The following PPP2R5E variants were observed in gnomAD, a reference collection of about 807,000 sequenced individuals.
PPP2R5E encodes the protein protein phosphatase 2 regulatory subunit B'epsilon.
In PPP2R5E, 4 loss-of-function variants were observed where a neutral mutation model predicts 65.3. The observed-to-expected ratio is 0.06, with a 90% CI of 0.03 to 0.14. The LOEUF (loss-of-function observed/expected upper bound fraction) is 0.14, where lower values mean the gene tolerates loss of function less well. Ranked by LOEUF, PPP2R5E falls within the 10% of genes least tolerant of loss-of-function variation. The pLI, the probability that PPP2R5E is intolerant of heterozygous loss-of-function variation, is 1.00. For missense variants in PPP2R5E, 274 were observed against 556.1 expected, an observed-to-expected ratio of 0.49 and a Z score of 5.10; for synonymous variants, 183 against 187.4, an observed-to-expected ratio of 0.98 and a Z score of 0.19.
rs1883936296 is a variant in PPP2R5E, at chr14:63,375,460, A to C, written c.*549T>G. ...CTTTTATCAGGGACTTTTATAATTC[A>C]TGACCCCATTCCACGTGGACATTCA... On this transcript the variant is annotated 3_prime_UTR_variant, in exon 14 of 14. Transcript: ENST00000337537. The C allele has an allele frequency of 6.6e-6, 1 of 152,662 alleles. No individual in the cohort carries two copies. The highest frequency in any genetic ancestry group is 6.5e-5 in the Admixed American group (1 of 15,286). The allele number at this position is 152,662 out of a possible 1,614,324, so 9.5% of individuals were successfully genotyped here. A position where few individuals can be genotyped will look rare whatever the true frequency, so the allele number is the denominator to read the frequency against.
intron 2 of PPP2R5E, among the ~76,000 whole-genome samples, chr14:63,469,576 C>T (rs1356359433): frequency 6.6e-6 from 1 of 152,192 alleles, no homozygotes; most frequent in Non-Finnish European, 1.5e-5. Flanking sequence ...CGCCTGTAGT[C>T]CCAGCTACTC....
chr14:63,531,001 A>G (rs542051888), intron 2 of PPP2R5E, among the ~76,000 whole-genome samples: 1 of 152,346 alleles, frequency 6.6e-6, no homozygotes, highest in Non-Finnish European at 1.5e-5. Context: ...TAAAAAATGT[A>G]TATTCCTTCC....
intron 3 of PPP2R5E, among the ~76,000 whole-genome samples, chr14:63,425,908 G>C (rs1175652940): frequency 1.3e-5 from 2 of 152,192 alleles, no homozygotes; most frequent in Non-Finnish European, 2.9e-5. Flanking sequence ...AGAAGGCCAA[G>C]TTGGGTAAAT....
chr14:63,460,313 G>C (rs988367781), intron 2 of PPP2R5E, among the ~76,000 whole-genome samples: 4 of 152,130 alleles, frequency 2.6e-5, no homozygotes, highest in Non-Finnish European at 4.4e-5. Context: ...TGACACACTG[G>C]AAGGGCTGCA....
At position 63,374,173 on chromosome 14, in the gene PPP2R5E, T is replaced by A. The variant is rs1246360779; in HGVS notation, c.*1836A>T. The A allele has an allele frequency of 6.6e-6, 1 of 151,880 alleles. No individual in the cohort carries two copies. Among genetic ancestry groups the A allele is most frequent in the Non-Finnish European group, 1.5e-5 (1 of 67,966 alleles). The allele number at this position is 151,880 out of a possible 1,614,324, so 9.4% of individuals were successfully genotyped here. ...ATGACAATATCCATAATTAGCTGAC[T>A]CTTACGTACACACTGTGACCTGATC... On this transcript the variant is annotated 3_prime_UTR_variant, in exon 14 of 14. Transcript: ENST00000337537.
chr14:63,528,353 T>C (rs113720140), intron 2 of PPP2R5E, among the ~76,000 whole-genome samples: 265 of 152,342 alleles, frequency 1.7e-3, no homozygotes, highest in African/African-American at 5.9e-3. Context: ...TCTGGTGATC[T>C]GATTAGGCTA....
chr14:63,480,814 A>G (rs901667839), intron 2 of PPP2R5E, among the ~76,000 whole-genome samples: 17 of 152,136 alleles, frequency 1.1e-4, no homozygotes, highest in African/African-American at 4.1e-4. Context: ...ATGACACTGC[A>G]AATTCTTCTT....
At chr14:63,404,263 T>A (rs138137415) in intron 5 of PPP2R5E, among the ~76,000 whole-genome samples, 185 of 152,342 alleles carry the variant, frequency 1.2e-3, no homozygotes, top group African/African-American at 4.2e-3. Context: ...AGAATTACCC[T>A]GCCCTATTCC....
At chr14:63,427,835 T>C (rs914205215) in intron 3 of PPP2R5E, among the ~76,000 whole-genome samples, 1 of 152,256 alleles carries the variant, frequency 6.6e-6, no homozygotes, top group African/African-American at 2.4e-5. Context: ...TAGGAAACTG[T>C]GGTGCAAAGA....
chr14:63,374,668 T>TATATATATATATATATATATAA lies in PPP2R5E; in HGVS notation c.*1340_*1341insTTATATATATATATATATATAT. 8.4e-6 allele frequency: 1 copy of TATATATATATATATATATATAA among 119,290 alleles called. No homozygotes were observed. Among genetic ancestry groups the TATATATATATATATATATATAA allele is most frequent in the African/African-American group, 3.2e-5 (1 of 31,470 alleles). 7.4% of individuals were successfully genotyped at this position (119,290 alleles called of 1,614,324 possible). ...ATATATATATATATATATATATATA[T>TATATATATATATATATATATAA]AAAATACAGCCCTAGATTTTGTTTT... On this transcript the variant is annotated 3_prime_UTR_variant, in exon 14 of 14. Coordinates refer to ENST00000337537, the MANE Select transcript of PPP2R5E (RefSeq NM_006246.5).
chr14:63,495,417 C>CA lies in PPP2R5E; in HGVS notation c.158-41533dup, dbSNP rs772700927. Among the ~76,000 whole-genome samples the CA allele has an allele frequency of 6.4e-3, 594 of 93,216 alleles. 3 individuals are homozygous for CA. The highest frequency in any genetic ancestry group is 0.016 in the South Asian group (45 of 2,756). The allele number at this position is 93,216 out of a possible 152,430, so 61.2% of individuals were successfully genotyped here. On this transcript the variant is annotated intron_variant, in intron 2 of 13. Coordinates refer to ENST00000337537, the MANE Select transcript of PPP2R5E (RefSeq NM_006246.5). ...CAAAACCCCATCTCTACTAAAAATA[C>CA]AAAAAAAAAAAAAAAAATTAGCTGG...
intron 2 of PPP2R5E, among the ~76,000 whole-genome samples, chr14:63,505,291 A>G (rs958214664): frequency 1.3e-5 from 2 of 152,216 alleles, no homozygotes; most frequent in Admixed American, 6.5e-5. Context: ...TGTCAAATAA[A>G]TAAATAAATA....
At chr14:63,437,220 C>T (rs141880648) in intron 3 of PPP2R5E, among the ~76,000 whole-genome samples, 1,755 of 152,340 alleles carry the variant, frequency 0.012, 10 homozygotes, top group Non-Finnish European at 0.019. Context: ...AACTACCTAT[C>T]TCTTTCCCAG....
intron 12 of PPP2R5E, among the ~76,000 whole-genome samples, chr14:63,382,938 T>C (rs559610963): frequency 1.1e-3 from 165 of 152,254 alleles, no homozygotes; most frequent in Non-Finnish European, 1.9e-3. Context: ...TGTATATATA[T>C]AAATTATTCT....
At chr14:63,476,091 A>C (rs1409466072) in intron 2 of PPP2R5E, among the ~76,000 whole-genome samples, 1 of 152,222 alleles carries the variant, frequency 6.6e-6, no homozygotes, top group Non-Finnish European at 1.5e-5. Context: ...CCTAAACAAC[A>C]ACAAAAAAAG....
intron 3 of PPP2R5E, among the ~76,000 whole-genome samples, chr14:63,425,711 A>G (rs1317592371): frequency 6.6e-6 from 1 of 152,250 alleles, no homozygotes; most frequent in African/African-American, 2.4e-5. Flanking sequence ...CTAAGCATTT[A>G]ATAAATATTC....
intron 3 of PPP2R5E, 42 bp from the exon 4 acceptor site, chr14:63,422,136 T>C (rs1227248018): frequency 6.6e-7 from 1 of 1,523,876 alleles, no homozygotes. Context: ...AAGCACCTTC[T>C]GCACAGTTTT....
At position 63,389,701 on chromosome 14, in the gene PPP2R5E, A is replaced by T. The variant is rs375854602; in HGVS notation, c.985T>A (p.Leu329Met). Residue 329 changes from leucine to methionine, a missense_variant, in exon 11 of 14, where the codon TTG (leucine) becomes ATG (methionine). This residue lies in a region of PPP2R5E where 129 missense variants were observed against 254.9 expected (regional missense o/e 0.51). Transcript: ENST00000337537. ...VMFLGELEEI[L>M]DVIEPSQFVK... ...AATTGTGAAGGTTCAATCACATCCA[A>T]TATTTCTTCCAGTTCCCCAAGGAAC... 7 of 1,610,170 alleles carry T rather than the reference A, an allele frequency of 4.3e-6. No individual in the cohort carries two copies. The highest frequency in any genetic ancestry group is 5.9e-6 in the Non-Finnish European group (7 of 1,178,664).
chr14:63,453,420 G>A (rs1888956167), intron 3 of PPP2R5E: 2 of 246,528 alleles, frequency 8.1e-6, no homozygotes, highest in Non-Finnish European at 1.5e-5. Flanking sequence ...GCCAAAGCTA[G>A]AAATCCAGTA....
Sources: allele counts gnomAD v4.1 joint callset (sites outside exome capture counted in the v4.1 genomes callset), GRCh38; gene constraint gnomAD v4.1.1; regional missense constraint gnomAD v4.1.1; transcripts MANE v1.5; gene names NCBI Gene and HGNC (gene_info 2026-07-23, HGNC 2026-07-21).